RHOBTB3: variants seen among roughly 807,000 people sequenced by gnomAD.
The protein encoded by RHOBTB3 is rho-related BTB domain-containing protein 3.
RHOBTB3 carries 47 observed loss-of-function variants against 67.2 expected under a neutral mutation model. That is an observed-to-expected ratio of 0.70 (90% CI 0.55 to 0.89). The LOEUF (loss-of-function observed/expected upper bound fraction) is 0.89, where lower values mean the gene tolerates loss of function less well. RHOBTB3 is among the 40% of genes least tolerant of loss of function. RHOBTB3 has a pLI of 0.00. For missense variants in RHOBTB3, 631 were observed against 750.0 expected (o/e 0.84, Z 1.85); for synonymous variants, 273 against 274.2 (o/e 1.00, Z 0.04).
chr5:95,724,734 G>A (rs533379314), intron 1 of RHOBTB3, among the ~76,000 whole-genome samples: 1 of 152,184 alleles, frequency 6.6e-6, no homozygotes, highest in Non-Finnish European at 1.5e-5. Context: ...CTTTTTTCAG[G>A]TGGCCAAGTT....
At chr5:95,778,789 G>A (rs1230616661) in intron 8 of RHOBTB3, among the ~76,000 whole-genome samples, 1 of 152,200 alleles carries the variant, frequency 6.6e-6, no homozygotes, top group East Asian at 1.9e-4. Context: ...AATACAGCCA[G>A]CTTGCTTTAA....
chr5:95,740,719 C>A (rs1424887589), intron 3 of RHOBTB3, among the ~76,000 whole-genome samples: 1 of 152,182 alleles, frequency 6.6e-6, no homozygotes, highest in African/African-American at 2.4e-5. Context: ...GAATAGTTAT[C>A]CTAGAATACA....
At chr5:95,761,603 G>A (rs532674850) in intron 6 of RHOBTB3, among the ~76,000 whole-genome samples, 16 of 152,240 alleles carry the variant, frequency 1.1e-4, no homozygotes, top group Admixed American at 2.6e-4. Context: ...AGCAGTGGCC[G>A]TCAGCAGCAT....
At chr5:95,729,437 G>A (rs1755155112), upstream of RHOBTB3, among the ~76,000 whole-genome samples, 3 of 152,068 alleles carry the variant, frequency 2.0e-5, no homozygotes, top group South Asian at 6.2e-4. Flanking sequence ...CAACTTTGGT[G>A]TCTATTTTTG....
At chr5:95,790,442 A>G (rs1305859353) in intron 11 of RHOBTB3, among the ~76,000 whole-genome samples, 1 of 152,222 alleles carries the variant, frequency 6.6e-6, no homozygotes, top group Non-Finnish European at 1.5e-5. Flanking sequence ...GTATAGATAT[A>G]TGGTATATAT....
At chr5:95,780,735 A>G (rs969049120) in intron 9 of RHOBTB3, among the ~76,000 whole-genome samples, 1 of 152,200 alleles carries the variant, frequency 6.6e-6, no homozygotes, top group Non-Finnish European at 1.5e-5. Context: ...ACCCATGGCT[A>G]CCGTAATTCT....
chr5:95,783,823 C>T lies in RHOBTB3; in HGVS notation c.1483C>T (p.Leu495=), dbSNP rs1746140025. The change falls in exon 10 of 12, where the codon CTG becomes TTG. Residue 495 remains leucine (L), a synonymous_variant. Coordinates refer to ENST00000379982, the MANE Select transcript of RHOBTB3 (RefSeq NM_014899.4). Reference sequence around the variant, plus strand: ...TGGCATATTCCAGGCCATGTGTCTCCTGATCTGTGCCGAGATGTACCAAGT... The same window carrying T: ...TGGCATATTCCAGGCCATGTGTCTCTTGATCTGTGCCGAGATGTACCAAGT... ...PAGIFQAMCL[L]ICAEMYQVSR... is the part of the protein sequence containing the mutation. 4 of 1,612,320 alleles carry T rather than the reference C, an allele frequency of 2.5e-6. No homozygotes were observed. The highest frequency in any genetic ancestry group is 3.4e-6 in the Non-Finnish European group (4 of 1,178,974).
upstream of RHOBTB3, among the ~76,000 whole-genome samples, chr5:95,726,939 T>C (rs1203791535): frequency 6.6e-6 from 1 of 151,980 alleles, no homozygotes; most frequent in Admixed American, 6.6e-5. Context: ...CATTAACTAG[T>C]AGTAAAGCTT....
At chr5:95,725,794 A>T (rs1289401159) in intron 1 of RHOBTB3, among the ~76,000 whole-genome samples, 1 of 151,222 alleles carries the variant, frequency 6.6e-6, no homozygotes, top group Admixed American at 6.6e-5. Context: ...TTGTAATGTT[A>T]GCTTGGAATT....
At chr5:95,788,716 G>A in intron 10 of RHOBTB3, 46 bp from the exon 11 acceptor site, 1 of 1,253,642 alleles carries the variant, frequency 8.0e-7, no homozygotes, top group Non-Finnish European at 1.1e-6. Flanking sequence ...TATCATACCA[G>A]TGGCCATTAT....
At chr5:95,779,472 C>T (rs1745987214) in intron 8 of RHOBTB3, among the ~76,000 whole-genome samples, 1 of 152,178 alleles carries the variant, frequency 6.6e-6, no homozygotes, top group African/African-American at 2.4e-5. Context: ...ACTCACGGCC[C>T]TATCCAGCGC....
chr5:95,740,783 C>A (rs1451665785), intron 3 of RHOBTB3, among the ~76,000 whole-genome samples: 7 of 152,134 alleles, frequency 4.6e-5, no homozygotes, highest in Non-Finnish European at 1.0e-4. Context: ...TCTTCTTTGC[C>A]TCTTATTTTG....
chr5:95,719,722 T>C (rs1191019920), intron 1 of RHOBTB3: 1 of 152,248 alleles, frequency 6.6e-6, no homozygotes, highest in Non-Finnish European at 1.5e-5. Flanking sequence ...ATGATCCTTG[T>C]AGTTAATGCC....
chr5:95,731,194 G>A, upstream of RHOBTB3: 1 of 1,004,290 alleles, frequency 1.0e-6, no homozygotes, highest in Non-Finnish European at 1.2e-6. Flanking sequence ...GAGCTCCCGG[G>A]GCCTCCGCGG....
intron 2 of RHOBTB3, chr5:95,732,357 G>A: frequency 1.0e-5 from 6 of 582,302 alleles, no homozygotes; most frequent in South Asian, 9.1e-5. Context: ...TTGGTAGGCA[G>A]CAGACAGTTG....
chr5:95,733,457 T>C (rs1003190293), intron 2 of RHOBTB3, among the ~76,000 whole-genome samples: 4 of 152,212 alleles, frequency 2.6e-5, no homozygotes, highest in Non-Finnish European at 5.9e-5. Flanking sequence ...TAGGATTGCT[T>C]TCCCGTATTT....
chr5:95,754,096 A>AAAAAG (rs890490396), intron 5 of RHOBTB3, among the ~76,000 whole-genome samples: 26 of 152,164 alleles, frequency 1.7e-4, no homozygotes, highest in Non-Finnish European at 3.2e-4. Context: ...TGTCTCAAAA[A>AAAAAG]AAAAGAAAAG....
intron 6 of RHOBTB3, among the ~76,000 whole-genome samples, chr5:95,761,915 A>C (rs577201010): frequency 6.6e-6 from 1 of 152,328 alleles, no homozygotes; most frequent in Non-Finnish European, 1.5e-5. Flanking sequence ...ATGAGATGGG[A>C]AAAGAGGATG....
chr5:95,725,786 G>C (rs1755036294), intron 1 of RHOBTB3, among the ~76,000 whole-genome samples: 2 of 150,900 alleles, frequency 1.3e-5, no homozygotes, highest in Admixed American at 6.6e-5. Context: ...TGCTCTCATT[G>C]TAATGTTAGC....
Sources: allele counts gnomAD v4.1 joint callset (sites outside exome capture counted in the v4.1 genomes callset), GRCh38; gene constraint gnomAD v4.1.1; transcripts MANE v1.5; gene names NCBI Gene and HGNC (gene_info 2026-07-23, HGNC 2026-07-21).